Variants in EHMT1 observed in about 807,000 individuals in gnomAD.
EHMT1 encodes the protein euchromatic histone lysine methyltransferase 1.
In EHMT1, 15 loss-of-function variants were observed where a neutral mutation model predicts 147.2. The ratio of observed to expected loss-of-function variants is 0.10; its 90% CI spans 0.07 to 0.16. The LOEUF (loss-of-function observed/expected upper bound fraction) is 0.16, where lower values mean the gene tolerates loss of function less well. Among genes scored for constraint, EHMT1 ranks in the 10% least tolerant of loss-of-function variants. The pLI, the probability that EHMT1 is intolerant of heterozygous loss-of-function variation, is 1.00. For synonymous variants in EHMT1, 795 were observed against 709.6 expected, an observed-to-expected ratio of 1.12 and a Z score of -1.91; for missense variants, 1,587 against 1,772.4, an observed-to-expected ratio of 0.90 and a Z score of 1.88.
At chr9:137,707,892 G>C (rs943856436) in intron 1 of EHMT1, among the ~76,000 whole-genome samples, 4 of 152,162 alleles carry the variant, frequency 2.6e-5, no homozygotes, top group Admixed American at 1.3e-4. Context: ...CTCAGGCCAG[G>C]AGACCTTGTC....
chr9:137,705,926 G>A (rs1420035254), intron 1 of EHMT1, among the ~76,000 whole-genome samples: 8 of 152,208 alleles, frequency 5.3e-5, no homozygotes, highest in Non-Finnish European at 1.0e-4. Context: ...TCTGAAAAGT[G>A]AGTTGCAGTG....
At chr9:137,640,613 C>T (rs1024510336) in intron 1 of EHMT1, among the ~76,000 whole-genome samples, 1 of 152,186 alleles carries the variant, frequency 6.6e-6, no homozygotes, top group East Asian at 1.9e-4. Flanking sequence ...CAAGTAGATA[C>T]ATGTTTTCTC....
chr9:137,817,197 C>T (rs957750393), intron 23 of EHMT1: 14 of 585,856 alleles, frequency 2.4e-5, no homozygotes, highest in East Asian at 6.0e-5. Context: ...CACCGAGCCA[C>T]GGCCAGGACC....
In EHMT1 at chr9:137,717,097, C is replaced by A; in HGVS notation, c.557C>A (p.Thr186Lys). The A allele has an allele frequency of 6.2e-7, 1 of 1,612,304 alleles. No homozygotes were observed. Reference protein sequence around the residue: ...PATLGEGSADTEDRKLPAPGA... With the variant: ...PATLGEGSADKEDRKLPAPGA... ...ACCCTTGGGGAGGGGAGTGCTGACA[C>A]AGAGGACAGGAAGCTCCCGGCCCCT... Residue 186 changes from threonine (T) to lysine (K), a missense_variant, in exon 3 of 27, where the codon ACA (threonine) becomes AAA (lysine). Physicochemically the swap from Thr to Lys is moderately conservative, Grantham distance 78. Transcript: ENST00000460843.
At chr9:137,629,835 T>C (rs943721275) in intron 1 of EHMT1, among the ~76,000 whole-genome samples, 3 of 152,206 alleles carry the variant, frequency 2.0e-5, no homozygotes, top group African/African-American at 4.8e-5. Flanking sequence ...CGGCTGAGAA[T>C]AGTTATTAGA....
chr9:137,665,173 C>CT (rs1164145170), intron 1 of EHMT1, among the ~76,000 whole-genome samples: 1 of 152,184 alleles, frequency 6.6e-6, no homozygotes, highest in African/African-American at 2.4e-5. Flanking sequence ...CCTGAATACA[C>CT]TATTTTAAAA....
chr9:137,743,634 C>A (rs1376041728), intron 5 of EHMT1, 106 bp downstream of exon 5: 2 of 1,524,576 alleles, frequency 1.3e-6, no homozygotes, highest in Non-Finnish European at 9.0e-7. Flanking sequence ...CGGGAAGGTG[C>A]CAGTGCCATG....
chr9:137,709,433 C>G (rs537027028), intron 1 of EHMT1, among the ~76,000 whole-genome samples: 1 of 152,152 alleles, frequency 6.6e-6, no homozygotes, highest in Non-Finnish European at 1.5e-5. Flanking sequence ...GGGCTGTGCA[C>G]AGTTGCTAAG....
In EHMT1 at chr9:137,684,244, G is replaced by A. The variant is rs180736169; in HGVS notation, c.22-26723G>A. ...GACGAGGTTTTGCCATGTTGCCCAGGCTGGTCTCAAACTCCTGGACTCAAG... is the reference window on the plus strand; with the variant it reads ...GACGAGGTTTTGCCATGTTGCCCAGACTGGTCTCAAACTCCTGGACTCAAG... On this transcript the variant is annotated intron_variant, in intron 1 of 26. Transcript: ENST00000460843. Among the ~76,000 whole-genome samples, 639 of 152,164 alleles carry A rather than the reference G, an allele frequency of 4.2e-3. 3 individuals carry two copies. The highest frequency in any genetic ancestry group is 0.014 in the African/African-American group (596 of 41,504).
chr9:137,704,817 T>G (rs1295867127), intron 1 of EHMT1, among the ~76,000 whole-genome samples: 3 of 53,206 alleles, frequency 5.6e-5, no homozygotes, highest in Non-Finnish European at 1.0e-4. Flanking sequence ...CCCTCCCTCC[T>G]TTTCTTCCTG....
chr9:137,732,266 G>A lies in EHMT1; in HGVS notation c.823+3737G>A, dbSNP rs886165235. On this transcript the variant is annotated intron_variant, in intron 4 of 26. Transcript: ENST00000460843. The surrounding 1 kb of genome is among the most constrained non-coding windows in gnomAD (Gnocchi z 4.6). Reference sequence around the variant, plus strand: ...AGAAGGATCACCGCTCTTCACTCCCGCAGTTCAGCGAACGGGAGCGTGTCA... The same window carrying A: ...AGAAGGATCACCGCTCTTCACTCCCACAGTTCAGCGAACGGGAGCGTGTCA... 2.0e-5 allele frequency among the ~76,000 whole-genome samples: 3 copies of A among 152,240 alleles called. No individual in the cohort carries two copies. The highest frequency in any genetic ancestry group is 2.1e-4 in the South Asian group (1 of 4,832).
rs1371124152 is a variant in EHMT1, at chr9:137,835,524, T to G, written c.*571T>G. The G allele has an allele frequency of 6.6e-6, 1 of 152,538 alleles. No individual in the cohort carries two copies. The highest frequency in any genetic ancestry group is 2.4e-5 in the African/African-American group (1 of 41,438). The allele number at this position is 152,538 out of a possible 1,614,324, so 9.4% of individuals were successfully genotyped here. A position where few individuals can be genotyped will look rare whatever the true frequency, so the allele number is the denominator to read the frequency against. ...AACTTTGGAGAAAATGTGGGTTTGC[T>G]TTTTAAAGGAATCCTATATCTAGTC... On this transcript the variant is annotated 3_prime_UTR_variant, in exon 27 of 27. Transcript: ENST00000460843.
intron 5 of EHMT1, 123 bp from the exon 6 acceptor site, chr9:137,743,779 G>T (rs143132200): frequency 3.9e-6 from 5 of 1,269,376 alleles, no homozygotes; most frequent in African/African-American, 1.5e-5. Flanking sequence ...GCACCTCTTC[G>T]TGTGTCCCCG....
At chr9:137,709,322 G>T (rs974899819) in intron 1 of EHMT1, among the ~76,000 whole-genome samples, 1 of 152,178 alleles carries the variant, frequency 6.6e-6, no homozygotes, top group African/African-American at 2.4e-5. Flanking sequence ...CATGTTCGAG[G>T]GCTGGCCATG....
chr9:137,815,159 G>A (rs528589399), intron 22 of EHMT1, among the ~76,000 whole-genome samples: 2 of 152,268 alleles, frequency 1.3e-5, no homozygotes, highest in South Asian at 2.1e-4. Flanking sequence ...GGCAACAGGC[G>A]TCCCCTCTGG....
At chr9:137,715,939 C>T (rs1211085009) in intron 2 of EHMT1, 11 of 812,340 alleles carry the variant, frequency 1.4e-5, no homozygotes, top group Non-Finnish European at 1.6e-5. Flanking sequence ...TATGTTTGAA[C>T]TGAAATGCTG....
At chr9:137,834,237 C>A in intron 25 of EHMT1, 112 bp from the exon 26 acceptor site, 1 of 1,387,370 alleles carries the variant, frequency 7.2e-7, no homozygotes, top group Admixed American at 2.0e-5. Context: ...TCCTGCATGG[C>A]GGGCCTGCGC....
intron 1 of EHMT1, among the ~76,000 whole-genome samples, chr9:137,629,460 C>G (rs1360215002): frequency 1.3e-5 from 2 of 151,698 alleles, no homozygotes; most frequent in African/African-American, 4.8e-5. Context: ...GTGGCGTGAT[C>G]TCGGCTCACT....
intron 1 of EHMT1, among the ~76,000 whole-genome samples, chr9:137,706,206 G>C (rs1236682505): frequency 6.6e-6 from 1 of 152,222 alleles, no homozygotes; most frequent in Non-Finnish European, 1.5e-5. Flanking sequence ...GTAGGTTGGG[G>C]CTCCTGAGGG....
Sources: allele counts gnomAD v4.1 joint callset (sites outside exome capture counted in the v4.1 genomes callset), GRCh38; gene constraint gnomAD v4.1.1; non-coding constraint Gnocchi (gnomAD v3.1); transcripts MANE v1.5; gene names NCBI Gene and HGNC (gene_info 2026-07-23, HGNC 2026-07-21).